DIAPH2: variants seen among roughly 807,000 people sequenced by gnomAD.
DIAPH2 encodes diaphanous related formin 2.
Under a neutral mutation model 92.7 loss-of-function variants are expected in DIAPH2, and 35 were observed. The ratio of observed to expected loss-of-function variants is 0.38; its 90% CI spans 0.29 to 0.50. The LOEUF is 0.50. Among genes scored for constraint, DIAPH2 ranks in the 20% least tolerant of loss-of-function variants. The pLI is 0.94. For synonymous variants in DIAPH2, 301 were observed against 280.4 expected (o/e 1.07, Z -0.73); for missense variants, 701 against 819.5 (o/e 0.86, Z 1.77).
chrX:97,584,992 G>C (rs1200101230), intron 26 of DIAPH2, among the ~76,000 whole-genome samples: 1 of 112,100 alleles, frequency 8.9e-6, no homozygotes, highest in East Asian at 2.8e-4. Context: ...GATGACTCAA[G>C]TCTCTGAAAA....
intron 17 of DIAPH2, among the ~76,000 whole-genome samples, chrX:97,042,116 T>C (rs1315778288): frequency 1.8e-5 from 2 of 111,687 alleles, no homozygotes; most frequent in African/African-American, 6.5e-5. Flanking sequence ...GATGTTAGTA[T>C]GATTAAATTG....
intron 16 of DIAPH2, among the ~76,000 whole-genome samples, chrX:96,961,241 C>T (rs1006647663): frequency 3.6e-5 from 4 of 110,133 alleles, no homozygotes; most frequent in African/African-American, 1.3e-4. Context: ...GGGGGACTTT[C>T]TTGGTAGATT....
chrX:97,551,067 C>T (rs1372277975), intron 26 of DIAPH2, among the ~76,000 whole-genome samples: 1 of 106,547 alleles, frequency 9.4e-6, no homozygotes, highest in African/African-American at 3.4e-5. Flanking sequence ...CAAAGAGAAA[C>T]GTTGTTAGCC....
At chrX:96,939,580 GTA>G (rs1219076192) in intron 12 of DIAPH2, among the ~76,000 whole-genome samples, 198 bp downstream of exon 12, 2 of 59,062 alleles carry the variant, frequency 3.4e-5, no homozygotes, top group Non-Finnish European at 6.9e-5. Context: ...GTGTGTGTGT[GTA>G]TATGTGTGTG....
chrX:97,446,858 C>CAAAA, intron 26 of DIAPH2, among the ~76,000 whole-genome samples: 1 of 65,974 alleles, frequency 1.5e-5, no homozygotes, highest in Non-Finnish European at 3.1e-5. Context: ...TTAAATGTTG[C>CAAAA]AAAAAAAAAA....
At chrX:96,836,141 G>C (rs1186054611) in intron 4 of DIAPH2, among the ~76,000 whole-genome samples, 9 of 108,972 alleles carry the variant, frequency 8.3e-5, no homozygotes, top group Non-Finnish European at 1.7e-4. Context: ...TTGGAGAACA[G>C]GTGGTGTTTG....
intron 26 of DIAPH2, among the ~76,000 whole-genome samples, chrX:97,447,429 T>C (rs1257050092): frequency 1.8e-5 from 2 of 111,831 alleles, no homozygotes; most frequent in Non-Finnish European, 1.9e-5. Flanking sequence ...TTTTTCTCAA[T>C]GATGTGAATG....
intron 5 of DIAPH2, chrX:96,884,045 C>T (rs1323175967): frequency 3.4e-6 from 1 of 292,115 alleles, no homozygotes; most frequent in African/African-American, 2.7e-5. Flanking sequence ...GTAGCAACCA[C>T]TGACACACAG....
At chrX:97,253,011 G>T (rs148967939) in intron 23 of DIAPH2, among the ~76,000 whole-genome samples, 1 of 111,409 alleles carries the variant, frequency 9.0e-6, no homozygotes, top group Non-Finnish European at 1.9e-5. Flanking sequence ...AAGGGGGGCC[G>T]GGTGCAATGG....
chrX:97,533,818 A>G (rs2071077244), intron 26 of DIAPH2, among the ~76,000 whole-genome samples: 1 of 111,663 alleles, frequency 9.0e-6, no homozygotes, highest in African/African-American at 3.2e-5. Context: ...ATCTTGTATT[A>G]ATTTCTTTTG....
intron 23 of DIAPH2, among the ~76,000 whole-genome samples, chrX:97,248,998 C>T (rs1340875304): frequency 1.8e-5 from 2 of 110,212 alleles, no homozygotes; most frequent in Non-Finnish European, 3.8e-5. Flanking sequence ...CAAAAATAAC[C>T]TTGGGTTGCA....
chrX:97,068,321 T>A (rs1200528806), intron 17 of DIAPH2, among the ~76,000 whole-genome samples: 3 of 111,759 alleles, frequency 2.7e-5, no homozygotes, highest in Non-Finnish European at 5.6e-5. Flanking sequence ...AGAGCAGATA[T>A]GTAATAAAAA....
In DIAPH2 at chrX:97,239,844, CTCTCTCTCTCTCTCTT is replaced by C. The variant is rs754836961; in HGVS notation, c.2720-7857_2720-7842del. 8.5e-4 allele frequency among the ~76,000 whole-genome samples: 92 copies of C among 108,570 alleles called. No homozygotes were observed. The East Asian group carries it at 8.7e-3, about 10-fold the overall frequency. The allele number at this position is 108,570 out of a possible 115,157, so 94.3% of individuals were successfully genotyped here. On this transcript the variant is annotated intron_variant, in intron 22 of 26. Coordinates refer to ENST00000324765, the MANE Select transcript of DIAPH2 (RefSeq NM_006729.5). The stretch of plus-strand genomic sequence containing the variant: ...CAACCTCTAGTAAAAATCTCTCTCT[CTCTCTCTCTCTCTCTT>C]TCTCTCTCTCTCTTTCTCACACACA...
intron 24 of DIAPH2, among the ~76,000 whole-genome samples, chrX:97,359,872 G>A (rs1044940079): frequency 2.7e-5 from 3 of 111,005 alleles, no homozygotes; most frequent in South Asian, 3.9e-4. Context: ...CACTGCGCCC[G>A]GCCATGTTAT....
intron 25 of DIAPH2, among the ~76,000 whole-genome samples, chrX:97,395,652 C>T (rs2069697798): frequency 1.8e-5 from 2 of 111,569 alleles, no homozygotes; most frequent in African/African-American, 6.5e-5. Context: ...AAAATAATTA[C>T]ATTTCTGGCT....
At chrX:96,791,437 C>T (rs919538716) in intron 4 of DIAPH2, among the ~76,000 whole-genome samples, 1 of 110,287 alleles carries the variant, frequency 9.1e-6, no homozygotes, top group African/African-American at 3.3e-5. Context: ...ACTTGGGAGG[C>T]TGAGGCATGA....
intron 24 of DIAPH2, among the ~76,000 whole-genome samples, chrX:97,363,826 T>C (rs186455904): frequency 1.5e-4 from 17 of 110,915 alleles, no homozygotes; most frequent in African/African-American, 5.2e-4. Flanking sequence ...GTGAGATGTA[T>C]AGCAAAGCAT....
At chrX:96,803,537 C>T (rs2064600373) in intron 4 of DIAPH2, among the ~76,000 whole-genome samples, 1 of 111,664 alleles carries the variant, frequency 9.0e-6, no homozygotes, top group South Asian at 3.7e-4. Flanking sequence ...TCAACAGTTG[C>T]CTAGTAGTAA....
chrX:97,565,298 G>A (rs759907300), intron 26 of DIAPH2, among the ~76,000 whole-genome samples: 4 of 111,922 alleles, frequency 3.6e-5, no homozygotes, highest in Non-Finnish European at 7.5e-5. Context: ...TATCATACGG[G>A]ATCCTTTTAA....
Sources: gnomAD v4.1 joint callset for allele counts (sites outside exome capture counted in the v4.1 genomes callset) on GRCh38, gnomAD v4.1.1 for gene constraint, MANE v1.5 for transcripts, NCBI Gene and HGNC (gene_info 2026-07-23, HGNC 2026-07-21) for gene names.